CALD1: variants seen among roughly 807,000 people sequenced by gnomAD.
CALD1 encodes the protein caldesmon.
CALD1 carries 33 observed loss-of-function variants against 99.9 expected under a neutral mutation model. That is an observed-to-expected ratio of 0.33 (90% CI 0.25 to 0.44). CALD1 has a LOEUF of 0.44. Among genes scored for constraint, CALD1 ranks in the 20% least tolerant of loss-of-function variants. The pLI is 1.00. For synonymous variants in CALD1, 310 were observed against 325.0 expected (o/e 0.95, Z 0.50); for missense variants, 861 against 962.1 (o/e 0.89, Z 1.39).
chr7:134,760,053 AAAG>A (rs1796762964), intron 1 of CALD1, among the ~76,000 whole-genome samples: 1 of 152,166 alleles, frequency 6.6e-6, no homozygotes, highest in African/African-American at 2.4e-5. Flanking sequence ...TGGGCAGAGG[AAAG>A]AAGATGGAGG....
At chr7:134,948,950 C>T (rs777758880) in intron 8 of CALD1, among the ~76,000 whole-genome samples, 1 of 151,782 alleles carries the variant, frequency 6.6e-6, no homozygotes, top group Non-Finnish European at 1.5e-5. Flanking sequence ...GGTGCAATCT[C>T]GGAACACACC....
chr7:134,913,622 G>T (rs1249474002), intron 3 of CALD1, among the ~76,000 whole-genome samples: 4 of 152,148 alleles, frequency 2.6e-5, no homozygotes, highest in Non-Finnish European at 5.9e-5. Context: ...TTTTAAAATT[G>T]ATTGTAGTAT....
At chr7:134,711,628 T>TTC in the CALD1 span, among the ~76,000 whole-genome samples, 7,144 of 63,404 alleles carry the variant, frequency 0.11, 647 homozygotes, top group South Asian at 0.24. Context: ...CAACCTCAGC[T>TTC]TCTCTCTCTC....
intron 1 of CALD1, among the ~76,000 whole-genome samples, chr7:134,840,419 G>C (rs781500108): frequency 6.6e-6 from 1 of 152,130 alleles, no homozygotes; most frequent in Non-Finnish European, 1.5e-5. Flanking sequence ...TCAACCTCTG[G>C]TTTGCTCCTT....
At chr7:134,892,134 A>G (rs1348909473) in intron 3 of CALD1, among the ~76,000 whole-genome samples, 1 of 152,148 alleles carries the variant, frequency 6.6e-6, no homozygotes, top group East Asian at 1.9e-4. Flanking sequence ...TGACCATCTG[A>G]CTAAGACAGA....
At chr7:134,898,642 C>T (rs565709869) in intron 3 of CALD1, among the ~76,000 whole-genome samples, 6 of 152,034 alleles carry the variant, frequency 3.9e-5, no homozygotes, top group South Asian at 4.2e-4. Flanking sequence ...GGCATGGTCT[C>T]GGCTCACTGC....
chr7:134,786,693 G>C (rs1797319787), intron 1 of CALD1, among the ~76,000 whole-genome samples: 1 of 152,088 alleles, frequency 6.6e-6, no homozygotes, highest in Non-Finnish European at 1.5e-5. Flanking sequence ...CTTGACCAAA[G>C]TCATCCAGTT....
At chr7:134,868,337 A>C (rs2132325101) in intron 3 of CALD1, 1 of 152,456 alleles carries the variant, frequency 6.6e-6, no homozygotes, top group African/African-American at 2.4e-5. Context: ...GTGTAACTGG[A>C]AGCTGTTAAT....
At chr7:134,966,594 C>T (rs1012608454) in intron 14 of CALD1, among the ~76,000 whole-genome samples, 2 of 152,148 alleles carry the variant, frequency 1.3e-5, no homozygotes, top group Non-Finnish European at 2.9e-5. Context: ...GATGAAGTAA[C>T]TTTCCCAAAG....
At chr7:134,796,152 G>A (rs1585959872) in intron 1 of CALD1, among the ~76,000 whole-genome samples, 1 of 152,200 alleles carries the variant, frequency 6.6e-6, no homozygotes, top group East Asian at 1.9e-4. Context: ...TATTTTGTAG[G>A]AGCCCTAGAC....
chr7:134,838,767 T>G (rs775268440), intron 1 of CALD1, among the ~76,000 whole-genome samples: 13 of 152,226 alleles, frequency 8.5e-5, no homozygotes, highest in Non-Finnish European at 1.6e-4. Context: ...ACTGTTTGTC[T>G]TTCTTTTTAT....
intron 1 of CALD1, among the ~76,000 whole-genome samples, chr7:134,758,501 GGTGTGTGTGT>G (rs59389296): frequency 1.0e-3 from 146 of 145,216 alleles, no homozygotes; most frequent in African/African-American, 3.4e-3. Flanking sequence ...CTCCCATTGG[GGTGTGTGTGT>G]GTGTGTGTGT....
chr7:134,782,645 C>T (rs566734279), intron 1 of CALD1, among the ~76,000 whole-genome samples: 38 of 152,256 alleles, frequency 2.5e-4, no homozygotes, highest in Non-Finnish European at 4.0e-4. Flanking sequence ...AATGCTTCTC[C>T]GATGTCCCAC....
At chr7:134,776,921 G>A (rs1293123679), upstream of CALD1, among the ~76,000 whole-genome samples, 1 of 152,036 alleles carries the variant, frequency 6.6e-6, no homozygotes, top group Non-Finnish European at 1.5e-5. Context: ...GAATCGTCCA[G>A]ATATTTCCAA....
At chr7:134,910,890 C>T (rs991369435) in intron 3 of CALD1, among the ~76,000 whole-genome samples, 6 of 152,146 alleles carry the variant, frequency 3.9e-5, no homozygotes, top group African/African-American at 1.4e-4. Flanking sequence ...GAGAAAGTAA[C>T]ATGGGAATGA....
intron 3 of CALD1, among the ~76,000 whole-genome samples, chr7:134,886,644 C>T (rs767381075): frequency 5.9e-5 from 9 of 152,154 alleles, no homozygotes; most frequent in Non-Finnish European, 1.2e-4. Context: ...CTAGAAAAGA[C>T]GAGACTAAAG....
chr7:134,726,828 A>G, the CALD1 span, among the ~76,000 whole-genome samples: 1 of 152,196 alleles, frequency 6.6e-6, no homozygotes, highest in Non-Finnish European at 1.5e-5. Flanking sequence ...AGCCAGGACC[A>G]CAGCTAAAAT....
At chr7:134,912,822 C>T (rs1023507480) in intron 3 of CALD1, among the ~76,000 whole-genome samples, 15 of 152,118 alleles carry the variant, frequency 9.9e-5, no homozygotes, top group Non-Finnish European at 2.1e-4. Context: ...AACTGATTGA[C>T]ATCAGGACAG....
chr7:134,749,650 T>A (rs1349430810), intron 1 of CALD1, among the ~76,000 whole-genome samples: 3 of 152,080 alleles, frequency 2.0e-5, no homozygotes, highest in African/African-American at 7.2e-5. Context: ...TGTGGAATGA[T>A]CCCGCCTCAG....
Sources: gnomAD v4.1 joint callset for allele counts (sites outside exome capture counted in the v4.1 genomes callset) on GRCh38, gnomAD v4.1.1 for gene constraint, MANE v1.5 for transcripts, NCBI Gene and HGNC (gene_info 2026-07-23, HGNC 2026-07-21) for gene names.